Variants in DIS3L2 observed in about 807,000 individuals in gnomAD.
DIS3L2 encodes DIS3-like exonuclease 2.
A neutral mutation model predicts 97.5 loss-of-function variants in DIS3L2; 34 were observed. That is an observed-to-expected ratio of 0.35 (90% CI 0.27 to 0.46). The LOEUF (loss-of-function observed/expected upper bound fraction) is 0.46. Among genes scored for constraint, DIS3L2 ranks in the 20% least tolerant of loss-of-function variants. The pLI, the probability that DIS3L2 is intolerant of heterozygous loss-of-function variation, is 1.00. For missense variants in DIS3L2, 1,038 were observed against 1,146.0 expected, an observed-to-expected ratio of 0.91 and a Z score of 1.36; for synonymous variants, 435 against 445.2, an observed-to-expected ratio of 0.98 and a Z score of 0.29.
chr2:232,205,316 C>T (rs1031267521), intron 9 of DIS3L2, among the ~76,000 whole-genome samples: 1 of 150,930 alleles, frequency 6.6e-6, no homozygotes, highest in East Asian at 1.9e-4. Flanking sequence ...AGTGCAGTGT[C>T]GTGATCTCAG....
Position 232,034,954 on chromosome 2 carries a change from G to A in DIS3L2, c.366+4874G>A, listed in dbSNP as rs142058923. Among the ~76,000 whole-genome samples the A allele has an allele frequency of 6.0e-3, 918 of 152,326 alleles. 7 individuals carry two copies. The highest frequency in any genetic ancestry group is 0.02 in the Middle Eastern group (6 of 294). On this transcript the variant is annotated intron_variant, in intron 5 of 20. Transcript: ENST00000325385. ...AGAATGTATATTTTGTTGATTTGGG[G>A]TGGAGAGTTCTGTAAATGACTATTA...
At chr2:232,170,570 C>G (rs1343834364) in intron 9 of DIS3L2, among the ~76,000 whole-genome samples, 4 of 152,174 alleles carry the variant, frequency 2.6e-5, no homozygotes, top group South Asian at 2.1e-4. Context: ...AAACTTGGCA[C>G]TTAAAATTGC....
At chr2:232,124,054 C>T (rs935663821) in intron 6 of DIS3L2, among the ~76,000 whole-genome samples, 1 of 152,190 alleles carries the variant, frequency 6.6e-6, no homozygotes, top group African/African-American at 2.4e-5. Context: ...TATAACCAGG[C>T]ATCCAAGGAA....
rs1479728547 is a variant in DIS3L2 at position 232,037,247 on chromosome 2, C to T, written c.366+7167C>T. 1.3e-5 allele frequency among the ~76,000 whole-genome samples: 2 copies of T among 152,230 alleles called. No homozygotes were observed. Among genetic ancestry groups the T allele is most frequent in the African/African-American group, 4.8e-5 (2 of 41,472 alleles). Reference sequence around the variant, plus strand: ...GAGATGCCCTATCCAGAGAGAAGGACTCTAGAGAGGTAGTCTGGCTACAGG... The same window carrying T: ...GAGATGCCCTATCCAGAGAGAAGGATTCTAGAGAGGTAGTCTGGCTACAGG... On this transcript the variant is annotated intron_variant, in intron 5 of 20. Transcript: ENST00000325385. This position sits in a 1 kb window ranked among gnomAD's most constrained non-coding sequence, Gnocchi z 4.6.
intron 8 of DIS3L2, among the ~76,000 whole-genome samples, chr2:232,144,980 C>T (rs1690179313): frequency 6.6e-6 from 1 of 152,174 alleles, no homozygotes; most frequent in Non-Finnish European, 1.5e-5. Flanking sequence ...CCTTGATCAC[C>T]TGGTTAAGGA....
chr2:232,058,447 A>G (rs2106272297), intron 5 of DIS3L2, among the ~76,000 whole-genome samples: 1 of 152,286 alleles, frequency 6.6e-6, no homozygotes, highest in South Asian at 2.1e-4. Context: ...TGGGGGAGTA[A>G]CATTCTCTGT....
intron 9 of DIS3L2, among the ~76,000 whole-genome samples, chr2:232,199,089 G>T (rs920165805): frequency 1.3e-5 from 2 of 152,086 alleles, no homozygotes; most frequent in African/African-American, 4.8e-5. Flanking sequence ...AATATTTGTT[G>T]GGTGTAGCAT....
intron 5 of DIS3L2, among the ~76,000 whole-genome samples, chr2:232,073,442 A>G (rs1307940334): frequency 1.3e-5 from 2 of 152,192 alleles, no homozygotes; most frequent in Non-Finnish European, 2.9e-5. Flanking sequence ...AATCTTTTGG[A>G]AAAACTCCAT....
intron 11 of DIS3L2, among the ~76,000 whole-genome samples, chr2:232,247,336 C>T (rs1574970031): frequency 2.0e-5 from 3 of 152,128 alleles, no homozygotes; most frequent in Admixed American, 1.3e-4. Flanking sequence ...TTTATTTTCT[C>T]CCAGTTTTGG....
intron 20 of DIS3L2, 99 bp from the exon 21 acceptor site, chr2:232,336,370 A>C (rs1236801870): frequency 6.5e-7 from 1 of 1,549,018 alleles, no homozygotes; most frequent in Admixed American, 2.0e-5. Context: ...CCAGAGGCCG[A>C]AGGAGGGGCC....
chr2:232,170,225 C>T (rs1023600354), intron 9 of DIS3L2, among the ~76,000 whole-genome samples: 1 of 152,188 alleles, frequency 6.6e-6, no homozygotes, highest in Admixed American at 6.5e-5. Context: ...CTGAGACTGG[C>T]TCCAGTTATT....
Position 232,060,003 on chromosome 2 carries a change from G to T in DIS3L2, c.367-27484G>T, listed in dbSNP as rs548557515. Among the ~76,000 whole-genome samples, 287 of 152,230 alleles carry T rather than the reference G, an allele frequency of 1.9e-3. 1 individual carries two copies. Among genetic ancestry groups the T allele is most frequent in the Non-Finnish European group, 3.2e-3 (220 of 67,980 alleles). On this transcript the variant is annotated intron_variant, in intron 5 of 20. Coordinates refer to ENST00000325385, the MANE Select transcript of DIS3L2 (RefSeq NM_152383.5). ...TTATTTTCTTTTGGATGTATACCCA[G>T]TAGTGGCATTGCTGAGATTTTTTTT...
intron 5 of DIS3L2, among the ~76,000 whole-genome samples, chr2:232,074,784 G>A (rs551927330): frequency 4.6e-5 from 7 of 152,028 alleles, no homozygotes; most frequent in East Asian, 1.9e-4. Context: ...GAGTTTTGCC[G>A]TGTTGCCCAG....
intron 5 of DIS3L2, among the ~76,000 whole-genome samples, chr2:232,060,339 GT>G (rs1255216846): frequency 2.0e-5 from 3 of 152,060 alleles, no homozygotes; most frequent in Admixed American, 2.0e-4. Context: ...TTTCTTCAGT[GT>G]TTTCTTTTAG....
chr2:232,210,044 C>T (rs1328989653), intron 9 of DIS3L2, among the ~76,000 whole-genome samples: 1 of 152,142 alleles, frequency 6.6e-6, no homozygotes, highest in Non-Finnish European at 1.5e-5. Context: ...CTTGAGAAGC[C>T]TCGTTCATGG....
intron 6 of DIS3L2, among the ~76,000 whole-genome samples, chr2:232,103,292 G>T (rs909376524): frequency 6.6e-6 from 1 of 151,986 alleles, no homozygotes; most frequent in Non-Finnish European, 1.5e-5. Context: ...CATAATAGTG[G>T]TGATTGTCTT....
intron 11 of DIS3L2, among the ~76,000 whole-genome samples, chr2:232,245,959 A>G (rs1693235795): frequency 6.6e-6 from 1 of 152,226 alleles, no homozygotes; most frequent in East Asian, 1.9e-4. Context: ...AGAAAAAAAG[A>G]GGTGGTCCAT....
chr2:232,183,005 C>T (rs1332827836), intron 9 of DIS3L2, among the ~76,000 whole-genome samples: 1 of 152,078 alleles, frequency 6.6e-6, no homozygotes, highest in Non-Finnish European at 1.5e-5. Context: ...ACTCTAACCC[C>T]CAAATTATAG....
At chr2:232,225,281 G>C (rs987077313) in intron 10 of DIS3L2, among the ~76,000 whole-genome samples, 1 of 152,102 alleles carries the variant, frequency 6.6e-6, no homozygotes, top group African/African-American at 2.4e-5. Flanking sequence ...GTACAGGAAC[G>C]TTCATAGCAC....
Sources: gnomAD v4.1 joint callset for allele counts (sites outside exome capture counted in the v4.1 genomes callset) on GRCh38, gnomAD v4.1.1 for gene constraint, Gnocchi (gnomAD v3.1) non-coding constraint, MANE v1.5 for transcripts, NCBI Gene and HGNC (gene_info 2026-07-23, HGNC 2026-07-21) for gene names.